The following SASH1 variants were observed in gnomAD, a reference collection of about 807,000 sequenced individuals.
SASH1 encodes the protein SAM and SH3 domain-containing protein 1.
SASH1 carries 44 observed loss-of-function variants against 125.2 expected under a neutral mutation model. That is an observed-to-expected ratio of 0.35 (90% CI 0.28 to 0.45). The LOEUF (loss-of-function observed/expected upper bound fraction) is 0.45. Among genes scored for constraint, SASH1 ranks in the 20% least tolerant of loss-of-function variants. The pLI, the probability that SASH1 is intolerant of heterozygous loss-of-function variation, is 1.00. For synonymous variants in SASH1, 639 were observed against 649.1 expected, an observed-to-expected ratio of 0.98 and a Z score of 0.24; for missense variants, 1,426 against 1,614.5, an observed-to-expected ratio of 0.88 and a Z score of 2.00.
intron 8 of SASH1, among the ~76,000 whole-genome samples, chr6:148,507,025 G>A (rs1436988754): frequency 2.6e-5 from 4 of 152,158 alleles, no homozygotes; most frequent in Non-Finnish European, 4.4e-5. Flanking sequence ...CACCTGGTCC[G>A]TCAGATGGTG....
At chr6:148,298,322 T>C (rs1779816950) in intron 1 of SASH1, among the ~76,000 whole-genome samples, 1 of 152,110 alleles carries the variant, frequency 6.6e-6, no homozygotes, top group Non-Finnish European at 1.5e-5. Flanking sequence ...CTTATTATAA[T>C]TTCTTATGTG....
intron 1 of SASH1, among the ~76,000 whole-genome samples, chr6:148,302,234 C>G (rs1364136295): frequency 5.0e-5 from 7 of 140,366 alleles, no homozygotes; most frequent in Non-Finnish European, 1.1e-4. Flanking sequence ...ATGGCGTGAA[C>G]CTGGGAGGTG....
At chr6:148,413,588 G>T (rs1445729035) in intron 2 of SASH1, among the ~76,000 whole-genome samples, 1 of 152,196 alleles carries the variant, frequency 6.6e-6, no homozygotes. Context: ...TGAAAGAAAT[G>T]CATCCAGGCT....
chr6:148,471,868 T>C (rs1778134083), intron 6 of SASH1, among the ~76,000 whole-genome samples: 1 of 152,190 alleles, frequency 6.6e-6, no homozygotes, highest in African/African-American at 2.4e-5. Flanking sequence ...TTTGGGGCTC[T>C]CCTGTCCGCG....
Position 148,514,380 on chromosome 6 carries a change from C to G in SASH1, c.786C>G (p.His262Gln). ...AGTCGGTGAAGTTTAAGAGGTTACA[C>G]AAGCTGGTAAACTCCACTCGCAGAG... ...TEESVKFKRL[H>Q]KLVNSTRRVR... Residue 262 changes from histidine (H) to glutamine (Q), a missense_variant, in exon 9 of 20, where the codon CAC (histidine) becomes CAG (glutamine). Physicochemically the swap from His to Gln is conservative, Grantham distance 24. Around this residue, in one of 3 missense-constraint regions of SASH1, gnomAD observed 567 missense variants for 575.6 expected, o/e 0.99. Coordinates refer to ENST00000367467, the MANE Select transcript of SASH1 (RefSeq NM_015278.5). 4 of 1,557,436 alleles carry G rather than the reference C, an allele frequency of 2.6e-6. No individual in the cohort carries two copies. The highest frequency in any genetic ancestry group is 1.7e-4 in the Middle Eastern group (1 of 5,716).
At chr6:148,217,668 C>T in the SASH1 span, among the ~76,000 whole-genome samples, 11 of 151,992 alleles carry the variant, frequency 7.2e-5, no homozygotes, top group African/African-American at 2.4e-4. Flanking sequence ...ATGCTTCCAG[C>T]GCAGGCCCAG....
chr6:148,471,672 T>G (rs1778126076), intron 6 of SASH1, among the ~76,000 whole-genome samples, 169 bp downstream of exon 6: 1 of 152,172 alleles, frequency 6.6e-6, no homozygotes, highest in Admixed American at 6.5e-5. Flanking sequence ...TTTGTTCCAG[T>G]GATTTTCTTT....
At chr6:148,427,475 A>G (rs909741990) in intron 2 of SASH1, among the ~76,000 whole-genome samples, 10 of 152,190 alleles carry the variant, frequency 6.6e-5, no homozygotes, top group African/African-American at 2.2e-4. Flanking sequence ...CAACACTCAC[A>G]TCTTATTGAA....
rs370074327 is a variant in SASH1, at chr6:148,314,345, A to G, written n.74+41968A>G. On this transcript the variant is annotated intron_variant and non_coding_transcript_variant, in intron 1 of 3. Transcript: ENST00000367469. ...CAGAATACTTTTGTTTATACAAAAC[A>G]AAAAGTACTTGATCAATTGAGAAAT... Among the ~76,000 whole-genome samples the G allele has an allele frequency of 1.3e-3, 205 of 152,350 alleles. 1 individual carries two copies. Among genetic ancestry groups the G allele is most frequent in the Middle Eastern group, 6.8e-3 (2 of 294 alleles).
upstream of SASH1, among the ~76,000 whole-genome samples, chr6:148,270,503 C>T (rs978355018): frequency 1.3e-5 from 2 of 151,964 alleles, no homozygotes; most frequent in Admixed American, 1.3e-4. Context: ...CTGTCAACCC[C>T]CCAACCAAAA....
chr6:148,250,749 A>G, the SASH1 span, among the ~76,000 whole-genome samples: 1 of 152,160 alleles, frequency 6.6e-6, no homozygotes, highest in South Asian at 2.1e-4. Context: ...AGAATTAGAA[A>G]CCATCATGGG....
At position 148,542,851 on chromosome 6, in the gene SASH1, A is replaced by AGTGT. The variant is rs56094441; in HGVS notation, c.2210-803_2210-800dup. Among the ~76,000 whole-genome samples, 1,249 of 149,364 alleles carry AGTGT rather than the reference A, an allele frequency of 8.4e-3. 18 individuals are homozygous for AGTGT. Among genetic ancestry groups the AGTGT allele is most frequent in the African/African-American group, 0.027 (1,099 of 40,634 alleles). ...ATCAACCAAAAATGTAACAAGGGAC[A>AGTGT]GTGTGTGTGTGTGTGTGTGTGTGTG... On this transcript the variant is annotated intron_variant, in intron 17 of 19. Coordinates refer to ENST00000367467, the MANE Select transcript of SASH1 (RefSeq NM_015278.5).
the SASH1 span, among the ~76,000 whole-genome samples, chr6:148,194,796 C>T: frequency 6.6e-6 from 1 of 152,192 alleles, no homozygotes; most frequent in Non-Finnish European, 1.5e-5. Flanking sequence ...GTCCCAGCTA[C>T]TCGGGAGGCT....
At chr6:148,520,828 C>A (rs1387414936) in intron 10 of SASH1, among the ~76,000 whole-genome samples, 1 of 152,154 alleles carries the variant, frequency 6.6e-6, no homozygotes, top group Non-Finnish European at 1.5e-5. Flanking sequence ...AAACTGCCGT[C>A]ATCACAGTCA....
At chr6:148,361,828 C>T (rs1367172351) in intron 1 of SASH1, among the ~76,000 whole-genome samples, 2 of 151,868 alleles carry the variant, frequency 1.3e-5, no homozygotes, top group African/African-American at 2.4e-5. Context: ...CTCCAGGGTA[C>T]TTAGTGAGCA....
At chr6:148,216,571 C>T in the SASH1 span, among the ~76,000 whole-genome samples, 8 of 152,018 alleles carry the variant, frequency 5.3e-5, no homozygotes, top group East Asian at 1.9e-4. Context: ...CCAGGAAGAC[C>T]GCTGGCATCT....
intron 1 of SASH1, among the ~76,000 whole-genome samples, chr6:148,362,223 G>A (rs1319154187): frequency 8.1e-5 from 12 of 148,004 alleles, no homozygotes; most frequent in African/African-American, 1.0e-4. Context: ...CACCGTGCCT[G>A]GCCTCTTTTT....
At chr6:148,487,566 G>T in intron 7 of SASH1, 48 bp from the exon 8 acceptor site, 1 of 1,387,672 alleles carries the variant, frequency 7.2e-7, no homozygotes, top group Non-Finnish European at 1.0e-6. Flanking sequence ...GGTCTGGCCA[G>T]TGTCTGGCCA....
chr6:148,422,028 A>G (rs1785125114), intron 2 of SASH1, among the ~76,000 whole-genome samples: 1 of 152,184 alleles, frequency 6.6e-6, no homozygotes, highest in African/African-American at 2.4e-5. Context: ...TCTACCAGGT[A>G]AATGACGAGG....
Sources: gnomAD v4.1 joint callset for allele counts (sites outside exome capture counted in the v4.1 genomes callset) on GRCh38, gnomAD v4.1.1 for gene constraint, gnomAD v4.1.1 regional missense constraint, MANE v1.5 for transcripts, NCBI Gene and HGNC (gene_info 2026-07-23, HGNC 2026-07-21) for gene names.